CREB5: variants seen among roughly 807,000 people sequenced by gnomAD.
The protein encoded by CREB5 is cyclic AMP-responsive element-binding protein 5.
CREB5 carries 19 observed loss-of-function variants against 57.1 expected under a neutral mutation model. The observed-to-expected ratio is 0.33, with a 90% CI of 0.23 to 0.49. CREB5 has a LOEUF of 0.49. Ranked by LOEUF, CREB5 falls within the 20% of genes least tolerant of loss-of-function variation. The pLI is 0.99. For missense variants in CREB5, 579 were observed against 671.6 expected (o/e 0.86, Z 1.52); for synonymous variants, 238 against 238.3 (o/e 1.00, Z 0.01).
chr7:28,705,404 G>T (rs1265454169), intron 5 of CREB5, among the ~76,000 whole-genome samples: 1 of 114,060 alleles, frequency 8.8e-6, no homozygotes, highest in Non-Finnish European at 1.9e-5. Flanking sequence ...AGAAAACCAA[G>T]CTATCATGAC....
chr7:28,420,892 G>A (rs1788221117), intron 1 of CREB5, among the ~76,000 whole-genome samples: 1 of 151,482 alleles, frequency 6.6e-6, no homozygotes, highest in Non-Finnish European at 1.5e-5. Context: ...TGGGGAAAAA[G>A]TTTGCTTGTA....
chr7:28,402,354 G>A (rs1009269752), intron 1 of CREB5, among the ~76,000 whole-genome samples: 12 of 152,054 alleles, frequency 7.9e-5, no homozygotes, highest in Non-Finnish European at 1.3e-4. Context: ...AAAAGAGCCC[G>A]CATTGCCAAG....
At chr7:28,696,086 T>G (rs2128733706) in intron 5 of CREB5, among the ~76,000 whole-genome samples, 1 of 152,346 alleles carries the variant, frequency 6.6e-6, no homozygotes, top group South Asian at 2.1e-4. Flanking sequence ...TTTCACAAGA[T>G]TCTTCACAGC....
chr7:28,796,140 T>C (rs2237363), intron 7 of CREB5, among the ~76,000 whole-genome samples: 87,671 of 151,996 alleles, frequency 0.58, 25,775 homozygotes, highest in Non-Finnish European at 0.61. Context: ...AGTTCCATAA[T>C]ATTTTCATTA....
chr7:28,766,433 T>C (rs922540274), intron 7 of CREB5, among the ~76,000 whole-genome samples: 2 of 152,244 alleles, frequency 1.3e-5, no homozygotes, highest in Non-Finnish European at 2.9e-5. Flanking sequence ...GTCTGAATGA[T>C]AAAGCATTAA....
chr7:28,431,982 C>CTTTTTTTTTT (rs34222908), intron 1 of CREB5, among the ~76,000 whole-genome samples: 1 of 124,912 alleles, frequency 8.0e-6, no homozygotes, highest in Non-Finnish European at 1.7e-5. Context: ...ACAGCTATGC[C>CTTTTTTTTTT]TTTTTTTTTT....
chr7:28,514,637 G>A (rs888270426), intron 4 of CREB5, among the ~76,000 whole-genome samples: 1 of 152,070 alleles, frequency 6.6e-6, no homozygotes, highest in Non-Finnish European at 1.5e-5. Context: ...CTCGTGATCC[G>A]CCCGCCTCGG....
At chr7:28,732,586 A>G (rs1803710448) in intron 7 of CREB5, among the ~76,000 whole-genome samples, 1 of 152,222 alleles carries the variant, frequency 6.6e-6, no homozygotes, top group South Asian at 2.1e-4. Flanking sequence ...ATCTTGTTAC[A>G]GGGAAGTTCT....
At chr7:28,619,945 A>G (rs1336292151) in intron 5 of CREB5, among the ~76,000 whole-genome samples, 1 of 152,208 alleles carries the variant, frequency 6.6e-6, no homozygotes, top group Admixed American at 6.5e-5. Flanking sequence ...TCTGTTATAA[A>G]AAATATGTGA....
intron 5 of CREB5, among the ~76,000 whole-genome samples, chr7:28,629,610 C>A (rs781501629): frequency 2.0e-5 from 3 of 152,132 alleles, no homozygotes; most frequent in African/African-American, 7.2e-5. Flanking sequence ...AGGAAGGGCC[C>A]CTTTAAACAC....
At chr7:28,603,724 C>T (rs1797011282) in intron 5 of CREB5, among the ~76,000 whole-genome samples, 1 of 152,196 alleles carries the variant, frequency 6.6e-6, no homozygotes, top group Non-Finnish European at 1.5e-5. Flanking sequence ...CTTTATACCC[C>T]TACGCTTTAG....
At chr7:28,584,048 C>G (rs1456225686) in intron 5 of CREB5, among the ~76,000 whole-genome samples, 2 of 152,156 alleles carry the variant, frequency 1.3e-5, no homozygotes, top group Admixed American at 6.5e-5. Context: ...TCACTGTTAT[C>G]TTTTCCTCTC....
chr7:28,646,995 G>C (rs1005458295), intron 5 of CREB5, among the ~76,000 whole-genome samples: 16 of 152,058 alleles, frequency 1.1e-4, no homozygotes, highest in Admixed American at 9.8e-4. Flanking sequence ...GGCAACACTG[G>C]TGATACATCA....
chr7:28,537,148 C>T (rs216723), intron 4 of CREB5, among the ~76,000 whole-genome samples: 91,667 of 151,902 alleles, frequency 0.6, 27,834 homozygotes, highest in South Asian at 0.71. Flanking sequence ...CTTGTATATT[C>T]ATTGAAGTCC....
At chr7:28,755,817 A>G (rs1805265430) in intron 7 of CREB5, among the ~76,000 whole-genome samples, 1 of 152,146 alleles carries the variant, frequency 6.6e-6, no homozygotes, top group Non-Finnish European at 1.5e-5. Context: ...GGACCCAATT[A>G]TTATTCAGGT....
chr7:28,435,163 A>G (rs1440353283), intron 1 of CREB5, among the ~76,000 whole-genome samples: 1 of 146,872 alleles, frequency 6.8e-6, no homozygotes, highest in Non-Finnish European at 1.5e-5. Context: ...AAGTAACTGC[A>G]TGCCACCTCA....
At chr7:28,808,954 G>A (rs761758971) in intron 8 of CREB5, among the ~76,000 whole-genome samples, 11 of 152,140 alleles carry the variant, frequency 7.2e-5, no homozygotes, top group African/African-American at 9.6e-5. Context: ...ATCTTTTCAC[G>A]AGTCATTCCT....
At chr7:28,657,487 T>C (rs1799375545) in intron 5 of CREB5, among the ~76,000 whole-genome samples, 1 of 151,958 alleles carries the variant, frequency 6.6e-6, no homozygotes, top group African/African-American at 2.4e-5. Context: ...TCCCAGCACT[T>C]TGGGAGGCCG....
chr7:28,373,313 AGAAAT>A (rs1279196585), intron 1 of CREB5, among the ~76,000 whole-genome samples: 6 of 152,372 alleles, frequency 3.9e-5, no homozygotes, highest in African/African-American at 1.4e-4. Context: ...GAAGTATATT[AGAAAT>A]TGCTGTTTGT....
Sources: gnomAD v4.1 joint callset for allele counts (sites outside exome capture counted in the v4.1 genomes callset) on GRCh38, gnomAD v4.1.1 for gene constraint, MANE v1.5 for transcripts, NCBI Gene and HGNC (gene_info 2026-07-23, HGNC 2026-07-21) for gene names.